ZNF385D: variants seen among roughly 807,000 people sequenced by gnomAD.
The protein encoded by ZNF385D is zinc finger protein 385D, also known as zinc finger protein 659.
A neutral mutation model predicts 35.8 loss-of-function variants in ZNF385D; 15 were observed. That is an observed-to-expected ratio of 0.42 (90% confidence interval 0.28 to 0.64). ZNF385D has a LOEUF of 0.64. Ranked by LOEUF, ZNF385D falls within the 30% of genes least tolerant of loss-of-function variation. The probability of loss-of-function intolerance (pLI) is 0.23; values close to 1 mark genes in which losing one functional copy is unlikely to be tolerated. For missense variants in ZNF385D, 474 were observed against 494.6 expected, an observed-to-expected ratio of 0.96 and a Z score of 0.39; for synonymous variants, 212 against 186.8, an observed-to-expected ratio of 1.13 and a Z score of -1.10.
intron 3 of ZNF385D, among the ~76,000 whole-genome samples, chr3:21,964,279 T>G (rs1178159711): frequency 6.6e-6 from 1 of 151,424 alleles, no homozygotes; most frequent in Non-Finnish European, 1.5e-5. Context: ...TTGGCATCAT[T>G]GTATGTGTGA....
chr3:21,698,400 CACAAAT>C (rs1215076744), intron 1 of ZNF385D, among the ~76,000 whole-genome samples: 1 of 52,742 alleles, frequency 1.9e-5, no homozygotes, highest in Non-Finnish European at 6.1e-5. Context: ...AAACAATGAA[CACAAAT>C]ACAAAGTCAC....
intron 3 of ZNF385D, among the ~76,000 whole-genome samples, chr3:21,795,180 T>G (rs952906408): frequency 6.6e-6 from 1 of 152,204 alleles, no homozygotes; most frequent in African/African-American, 2.4e-5. Context: ...CAACAGTATT[T>G]GCCTGCTCTA....
intron 3 of ZNF385D, among the ~76,000 whole-genome samples, chr3:21,511,949 C>A (rs970140340): frequency 6.6e-6 from 1 of 151,172 alleles, no homozygotes; most frequent in South Asian, 2.1e-4. Context: ...GAGATCAAGA[C>A]TATCCTGGCC....
At chr3:21,923,551 T>A (rs1436506770) in intron 3 of ZNF385D, among the ~76,000 whole-genome samples, 1 of 152,160 alleles carries the variant, frequency 6.6e-6, no homozygotes, top group African/African-American at 2.4e-5. Flanking sequence ...AAAACACACA[T>A]GCACTTGCAT....
At chr3:21,558,454 G>A (rs1488586118) in intron 3 of ZNF385D, among the ~76,000 whole-genome samples, 2 of 152,038 alleles carry the variant, frequency 1.3e-5, no homozygotes, top group Non-Finnish European at 2.9e-5. Flanking sequence ...TTTCCATGTT[G>A]TTGTGCAGTT....
chr3:21,960,840 T>C (rs1702547261), intron 3 of ZNF385D, among the ~76,000 whole-genome samples: 1 of 152,150 alleles, frequency 6.6e-6, no homozygotes. Flanking sequence ...AAATAAATAC[T>C]GTATGTTCTC....
chr3:21,809,697 T>A (rs2125704693), intron 3 of ZNF385D, among the ~76,000 whole-genome samples: 2 of 150,950 alleles, frequency 1.3e-5, no homozygotes, highest in African/African-American at 4.9e-5. Context: ...CCTATATACA[T>A]ATATACACAT....
At chr3:22,183,650 T>C (rs1695434862) in intron 2 of ZNF385D, among the ~76,000 whole-genome samples, 1 of 152,200 alleles carries the variant, frequency 6.6e-6, no homozygotes, top group Non-Finnish European at 1.5e-5. Context: ...GGATTCTTTA[T>C]GAAAGTTACT....
intron 3 of ZNF385D, among the ~76,000 whole-genome samples, chr3:22,167,575 C>A (rs903146245): frequency 1.3e-5 from 2 of 152,150 alleles, no homozygotes; most frequent in African/African-American, 4.8e-5. Flanking sequence ...AACATTGTGG[C>A]CCTCTGCCCT....
chr3:21,644,233 A>C (rs2065686011), intron 2 of ZNF385D, among the ~76,000 whole-genome samples: 1 of 152,186 alleles, frequency 6.6e-6, no homozygotes, highest in Admixed American at 6.5e-5. Flanking sequence ...TCTGATATTC[A>C]ACATTAAAAT....
chr3:21,672,078 T>G (rs964976706), intron 1 of ZNF385D, among the ~76,000 whole-genome samples: 1 of 152,160 alleles, frequency 6.6e-6, no homozygotes, highest in Non-Finnish European at 1.5e-5. Context: ...GTTGGGATTT[T>G]TTACTCTTTG....
At chr3:22,031,647 C>T (rs1698009946) in intron 3 of ZNF385D, among the ~76,000 whole-genome samples, 1 of 152,172 alleles carries the variant, frequency 6.6e-6, no homozygotes, top group African/African-American at 2.4e-5. Context: ...ATTGGAGGGG[C>T]TGCTGAGAAG....
intron 3 of ZNF385D, among the ~76,000 whole-genome samples, chr3:22,126,130 G>C (rs1228946060): frequency 1.3e-5 from 2 of 151,932 alleles, no homozygotes; most frequent in Non-Finnish European, 1.5e-5. Flanking sequence ...AAGAAATGGT[G>C]AATTTTATCA....
chr3:22,208,852 A>G (rs963535103), intron 2 of ZNF385D, among the ~76,000 whole-genome samples: 1 of 151,900 alleles, frequency 6.6e-6, no homozygotes, highest in African/African-American at 2.4e-5. Flanking sequence ...AATAGAATTG[A>G]GTCATAGTCC....
intron 3 of ZNF385D, among the ~76,000 whole-genome samples, chr3:21,875,364 C>A (rs2125853895): frequency 6.6e-6 from 1 of 151,984 alleles, no homozygotes; most frequent in South Asian, 2.1e-4. Flanking sequence ...TCCATCAGTT[C>A]TTCTTTCATT....
At chr3:22,026,055 T>G (rs947624627) in intron 3 of ZNF385D, among the ~76,000 whole-genome samples, 1 of 152,088 alleles carries the variant, frequency 6.6e-6, no homozygotes, top group African/African-American at 2.4e-5. Flanking sequence ...CGAGTAGAGC[T>G]CTGGCATTGT....
At chr3:21,489,869 C>G (rs1705296522) in intron 4 of ZNF385D, among the ~76,000 whole-genome samples, 1 of 152,116 alleles carries the variant, frequency 6.6e-6, no homozygotes, top group South Asian at 2.1e-4. Context: ...TACCAATCTT[C>G]TGGTTATGGA....
At chr3:21,740,397 T>G (rs1181916496) in intron 1 of ZNF385D, among the ~76,000 whole-genome samples, 1 of 152,168 alleles carries the variant, frequency 6.6e-6, no homozygotes, top group Non-Finnish European at 1.5e-5. Flanking sequence ...TATATTATAA[T>G]ATAATCTTCA....
intron 4 of ZNF385D, among the ~76,000 whole-genome samples, chr3:21,499,073 T>C (rs1407237430): frequency 2.0e-5 from 3 of 151,920 alleles, no homozygotes; most frequent in African/African-American, 7.3e-5. Flanking sequence ...AGTCTGGTGA[T>C]TCCTTAAATA....
Sources: gnomAD v4.1 joint callset for allele counts (sites outside exome capture counted in the v4.1 genomes callset) on GRCh38, gnomAD v4.1.1 for gene constraint, MANE v1.5 for transcripts, NCBI Gene and HGNC (gene_info 2026-07-23, HGNC 2026-07-21) for gene names.